The following MASP1 variants were observed in gnomAD, a reference collection of about 807,000 sequenced individuals.
The protein encoded by MASP1 is mannan-binding lectin serine protease 1.
Under a neutral mutation model 77.1 loss-of-function variants are expected in MASP1, and 59 were observed. The ratio of observed to expected loss-of-function variants is 0.77; its 90% confidence interval spans 0.62 to 0.95. MASP1 has a LOEUF of 0.95. Among genes scored for constraint, MASP1 ranks in the 40% least tolerant of loss-of-function variants. The probability of loss-of-function intolerance (pLI) is 0.00; values close to 1 mark genes in which losing one functional copy is unlikely to be tolerated. For missense variants in MASP1, 885 were observed against 912.9 expected (o/e 0.97, Z 0.39); for synonymous variants, 362 against 354.5 (o/e 1.02, Z -0.24).
intron 4 of MASP1, among the ~76,000 whole-genome samples, chr3:187,258,074 A>G (rs1021809487): frequency 9.9e-5 from 15 of 152,230 alleles, no homozygotes; most frequent in African/African-American, 3.6e-4. Flanking sequence ...GCATCCCTAC[A>G]CTGAAAGCAT....
intron 11 of MASP1, among the ~76,000 whole-genome samples, chr3:187,229,016 A>G (rs1712606652): frequency 6.6e-6 from 1 of 152,188 alleles, no homozygotes; most frequent in Non-Finnish European, 1.5e-5. Flanking sequence ...GAGATGGGCC[A>G]AGCCGGGCCT....
intron 5 of MASP1, among the ~76,000 whole-genome samples, chr3:187,255,246 T>C (rs555544460): frequency 1.1e-4 from 17 of 152,302 alleles, no homozygotes; most frequent in Non-Finnish European, 1.8e-4. Flanking sequence ...TGGAAGGGAC[T>C]GTCTCTGATG....
chr3:187,252,772 A>G (rs946435751), intron 6 of MASP1, among the ~76,000 whole-genome samples: 3 of 152,130 alleles, frequency 2.0e-5, no homozygotes, highest in Admixed American at 1.3e-4. Context: ...CACCATAATG[A>G]AACATTCTGG....
intron 1 of MASP1, 26 bp downstream of exon 1, chr3:187,291,602 G>A (rs191089162): frequency 1.3e-4 from 208 of 1,614,156 alleles, no homozygotes; most frequent in Non-Finnish European, 2.6e-5. Flanking sequence ...AAAGGGAACC[G>A]TGCCCTCTCC....
intron 2 of MASP1, among the ~76,000 whole-genome samples, chr3:187,269,422 CAGGTTTCTATGTACAGAAAGCGA>C (rs1716333815): frequency 1.3e-5 from 2 of 152,186 alleles, no homozygotes. Context: ...TCCTGAGCCT[CAGGTTTCTATGTACAGAAAGCGA>C]ACTGAATAGA....
chr3:187,262,793 A>G, intron 2 of MASP1, 73 bp from the exon 3 acceptor site: 1 of 1,440,026 alleles, frequency 6.9e-7, no homozygotes, highest in Non-Finnish European at 9.7e-7. Context: ...CTTTAGAAAG[A>G]AAAAGGAAGG....
chr3:187,291,393 G>C (rs1022801649), intron 1 of MASP1: 1 of 607,100 alleles, frequency 1.6e-6, no homozygotes, highest in Non-Finnish European at 3.0e-6. Flanking sequence ...GCAGCGTCCG[G>C]AGCAGGATTT....
intron 3 of MASP1, 25 bp downstream of exon 3, chr3:187,262,518 A>C: frequency 1.2e-6 from 2 of 1,612,688 alleles, no homozygotes; most frequent in Non-Finnish European, 1.7e-6. Context: ...GAGAGACCTG[A>C]GGATGAGTCA....
chr3:187,260,092 G>A (rs1715432186), intron 4 of MASP1, among the ~76,000 whole-genome samples: 1 of 152,106 alleles, frequency 6.6e-6, no homozygotes, highest in Non-Finnish European at 1.5e-5. Context: ...ATGTTAAAAT[G>A]GAGACCATAA....
chr3:187,225,369 C>T lies in MASP1; in HGVS notation c.1696G>A (p.Ala566Thr), dbSNP rs1350680756. The T allele has an allele frequency of 6.2e-6, 10 of 1,613,816 alleles. No homozygotes were observed. The highest frequency in any genetic ancestry group is 8.5e-6 in the Non-Finnish European group (10 of 1,180,054). Residue 566 changes from alanine (A) to threonine (T), a missense_variant, in exon 13 of 16, where the codon GCC (alanine) becomes ACC (threonine). Coordinates refer to the MASP1 transcript ENST00000337774. ...GGCAGACAGATGGGCATCACGAAGGCATTCAGCACTGGGCTCTCCAACAGC... is the reference window on the plus strand; with the variant it reads ...GGCAGACAGATGGGCATCACGAAGGTATTCAGCACTGGGCTCTCCAACAGC...
chr3:187,231,231 A>C (rs1712745658), downstream of MASP1, among the ~76,000 whole-genome samples: 1 of 151,864 alleles, frequency 6.6e-6, no homozygotes, highest in Non-Finnish European at 1.5e-5. Flanking sequence ...TAACTTTTGA[A>C]CTCTTGGAGA....
chr3:187,258,678 G>T (rs921645121), intron 4 of MASP1, among the ~76,000 whole-genome samples: 5 of 152,164 alleles, frequency 3.3e-5, no homozygotes, highest in African/African-American at 7.2e-5. Context: ...TTACAGATTT[G>T]TAATCTTGAT....
chr3:187,248,899 C>A (rs552144005), intron 8 of MASP1, among the ~76,000 whole-genome samples: 1 of 152,126 alleles, frequency 6.6e-6, no homozygotes, highest in Non-Finnish European at 1.5e-5. Context: ...CTGGGATTTG[C>A]GTTAAGGGAA....
chr3:187,277,455 A>G (rs1407922698), intron 2 of MASP1, among the ~76,000 whole-genome samples: 1 of 152,228 alleles, frequency 6.6e-6, no homozygotes, highest in Non-Finnish European at 1.5e-5. Flanking sequence ...CTCAAAGGAT[A>G]AAAGAGAACG....
At chr3:187,220,394 C>T (rs1389531506) in intron 15 of MASP1, 6 of 741,578 alleles carry the variant, frequency 8.1e-6, no homozygotes, top group Non-Finnish European at 9.0e-6. Context: ...CAAACCTCAG[C>T]TCTGGGCAGT....
chr3:187,270,934 T>C (rs55766552), intron 2 of MASP1, among the ~76,000 whole-genome samples: 3 of 152,248 alleles, frequency 2.0e-5, no homozygotes, highest in African/African-American at 4.8e-5. Flanking sequence ...ACCATCTCAT[T>C]GGGCCCAGCT....
At chr3:187,246,569 A>G (rs915369807) in intron 8 of MASP1, 1 of 985,658 alleles carries the variant, frequency 1.0e-6, no homozygotes, top group Non-Finnish European at 1.2e-6. Flanking sequence ...GTTCAGACGG[A>G]AGCAGAGATT....
chr3:187,263,599 A>T (rs773071516), intron 2 of MASP1, among the ~76,000 whole-genome samples: 5 of 152,222 alleles, frequency 3.3e-5, no homozygotes, highest in African/African-American at 4.8e-5. Context: ...CATGTAATGA[A>T]AACTAATGTT....
chr3:187,218,042 C>T (rs1004815076), exon 16 of MASP1: 2 of 152,180 alleles, frequency 1.3e-5, no homozygotes, highest in African/African-American at 4.8e-5. Flanking sequence ...TGTTCTCCCT[C>T]CATGTGGAAG....
Sources: gnomAD v4.1 joint callset for allele counts (sites outside exome capture counted in the v4.1 genomes callset) on GRCh38, gnomAD v4.1.1 for gene constraint, MANE v1.5 for transcripts, NCBI Gene and HGNC (gene_info 2026-07-23, HGNC 2026-07-21) for gene names.